The following ROBO2 variants were observed in gnomAD, a reference collection of about 807,000 sequenced individuals.
The protein encoded by ROBO2 is roundabout homolog 2.
ROBO2 carries 53 observed loss-of-function variants against 160.8 expected under a neutral mutation model. That is an observed-to-expected ratio of 0.33 (90% confidence interval 0.26 to 0.41). The LOEUF (loss-of-function observed/expected upper bound fraction) is 0.41, where lower values mean the gene tolerates loss of function less well. Ranked by LOEUF, ROBO2 falls within the 10% of genes least tolerant of loss-of-function variation. The pLI, the probability that ROBO2 is intolerant of heterozygous loss-of-function variation, is 1.00. For missense variants in ROBO2, 1,577 were observed against 1,722.4 expected (o/e 0.92, Z 1.49); for synonymous variants, 664 against 611.7 (o/e 1.09, Z -1.26).
At chr3:76,590,149 A>G (rs759618893) in intron 2 of ROBO2, among the ~76,000 whole-genome samples, 5 of 152,178 alleles carry the variant, frequency 3.3e-5, no homozygotes, top group Non-Finnish European at 7.4e-5. Context: ...CACTAAGTTT[A>G]ATAGAAATAA....
At chr3:77,143,909 C>A (rs949602261) in intron 2 of ROBO2, among the ~76,000 whole-genome samples, 22 of 151,992 alleles carry the variant, frequency 1.4e-4, no homozygotes, top group Admixed American at 5.9e-4. Context: ...CTACTCTATT[C>A]CACTCTGTAA....
At chr3:76,516,728 A>C (rs2081364128) in intron 2 of ROBO2, among the ~76,000 whole-genome samples, 1 of 152,284 alleles carries the variant, frequency 6.6e-6, no homozygotes, top group African/African-American at 2.4e-5. Flanking sequence ...TTTGAGAAGG[A>C]ACTAAGATCA....
chr3:76,577,964 C>T (rs2085413817), intron 2 of ROBO2, among the ~76,000 whole-genome samples: 1 of 152,144 alleles, frequency 6.6e-6, no homozygotes, highest in East Asian at 1.9e-4. Flanking sequence ...TGCACTTCAT[C>T]TGTTGTTTCC....
chr3:77,156,235 C>G (rs1027286023), intron 2 of ROBO2, among the ~76,000 whole-genome samples: 1 of 151,970 alleles, frequency 6.6e-6, no homozygotes, highest in Non-Finnish European at 1.5e-5. Flanking sequence ...TCTTTCTGTA[C>G]TGGTTGAGAA....
chr3:77,628,331 T>C (rs1583382787), intron 23 of ROBO2, among the ~76,000 whole-genome samples: 1 of 152,282 alleles, frequency 6.6e-6, no homozygotes, highest in Middle Eastern at 3.4e-3. Context: ...TTCGTGTTTA[T>C]ACTTATGTTT....
chr3:76,658,271 T>A (rs1409633183), intron 2 of ROBO2, among the ~76,000 whole-genome samples: 2 of 151,956 alleles, frequency 1.3e-5, no homozygotes, highest in African/African-American at 4.8e-5. Context: ...TATGTACATA[T>A]TAACAGGTTA....
At chr3:76,172,436 T>TAAAAAAA (rs59265395) in intron 2 of ROBO2, among the ~76,000 whole-genome samples, 1 of 124,746 alleles carries the variant, frequency 8.0e-6, no homozygotes. Flanking sequence ...GTATAATAAT[T>TAAAAAAA]AAAAAAAAAA....
intron 2 of ROBO2, among the ~76,000 whole-genome samples, chr3:76,905,739 T>C (rs997893017): frequency 1.3e-5 from 2 of 152,202 alleles, no homozygotes; most frequent in African/African-American, 4.8e-5. Context: ...TTTCTCGACA[T>C]AAATTACTAT....
chr3:77,013,595 C>T (rs1350162549), intron 2 of ROBO2, among the ~76,000 whole-genome samples: 4 of 152,088 alleles, frequency 2.6e-5, no homozygotes, highest in African/African-American at 9.7e-5. Context: ...AGATAATGCT[C>T]ATTGTTGCTT....
intron 2 of ROBO2, among the ~76,000 whole-genome samples, chr3:76,244,219 C>T (rs572427403): frequency 7.4e-4 from 113 of 152,318 alleles, no homozygotes; most frequent in Non-Finnish European, 1.3e-3. Flanking sequence ...TGAGAGACTG[C>T]TCAGATGTAG....
At chr3:76,299,706 A>C (rs1286311238) in intron 2 of ROBO2, among the ~76,000 whole-genome samples, 2 of 152,142 alleles carry the variant, frequency 1.3e-5, no homozygotes, top group Non-Finnish European at 2.9e-5. Context: ...AAAAGGTGAG[A>C]GATGTTAGTG....
chr3:77,264,154 T>A (rs1271659448), intron 2 of ROBO2, among the ~76,000 whole-genome samples: 2 of 152,210 alleles, frequency 1.3e-5, no homozygotes, highest in Non-Finnish European at 2.9e-5. Context: ...TTAAATTCAG[T>A]GCTTTTAACA....
At chr3:76,253,940 C>T (rs1156742453) in intron 2 of ROBO2, among the ~76,000 whole-genome samples, 1 of 151,586 alleles carries the variant, frequency 6.6e-6, no homozygotes, top group East Asian at 2.0e-4. Context: ...TTTTTAGAAA[C>T]CATAAGACAA....
At chr3:77,439,218 A>G (rs2079647093) in intron 2 of ROBO2, among the ~76,000 whole-genome samples, 1 of 152,072 alleles carries the variant, frequency 6.6e-6, no homozygotes, top group South Asian at 2.1e-4. Context: ...AAAGTGAGTA[A>G]TATCTTGTAA....
intron 6 of ROBO2, among the ~76,000 whole-genome samples, chr3:77,524,558 C>G (rs933283843): frequency 6.6e-6 from 1 of 151,200 alleles, no homozygotes; most frequent in Non-Finnish European, 1.5e-5. Context: ...GGTGAGAAAA[C>G]GTGAGGAGTT....
chr3:76,714,264 G>T (rs934589699), intron 2 of ROBO2, among the ~76,000 whole-genome samples: 3 of 152,092 alleles, frequency 2.0e-5, no homozygotes, highest in African/African-American at 4.8e-5. Flanking sequence ...GGTGTTGCTG[G>T]TGTTCATTGG....
intron 2 of ROBO2, among the ~76,000 whole-genome samples, chr3:76,941,062 T>G (rs963160706): frequency 1.3e-5 from 2 of 152,094 alleles, no homozygotes; most frequent in African/African-American, 4.8e-5. Context: ...CACCCATTCT[T>G]TCCCCCAAAG....
At chr3:76,981,947 AC>A (rs1170342543) in intron 2 of ROBO2, among the ~76,000 whole-genome samples, 2 of 152,090 alleles carry the variant, frequency 1.3e-5, no homozygotes, top group Admixed American at 1.3e-4. Flanking sequence ...TGAGGGATGC[AC>A]CCCCATCATT....
intron 2 of ROBO2, among the ~76,000 whole-genome samples, chr3:76,472,196 C>T (rs866046825): frequency 2.6e-5 from 4 of 151,674 alleles, no homozygotes; most frequent in Non-Finnish European, 4.4e-5. Flanking sequence ...AATATGTATT[C>T]AGCAAAAATG....
Sources: allele counts gnomAD v4.1 joint callset (sites outside exome capture counted in the v4.1 genomes callset), GRCh38; gene constraint gnomAD v4.1.1; transcripts MANE v1.5; gene names NCBI Gene and HGNC (gene_info 2026-07-23, HGNC 2026-07-21).